The following HK2 variants were observed in gnomAD, a reference collection of about 807,000 sequenced individuals.
The protein encoded by HK2 is hexokinase 2.
HK2 carries 42 observed loss-of-function variants against 92.9 expected under a neutral mutation model. That is an observed-to-expected ratio of 0.45 (90% CI 0.35 to 0.58). The LOEUF is 0.58. HK2 is among the 20% of genes least tolerant of loss of function. The probability of loss-of-function intolerance (pLI) is 0.00; values close to 1 mark genes in which losing one functional copy is unlikely to be tolerated. For missense variants in HK2, 978 were observed against 1,245.1 expected, an observed-to-expected ratio of 0.79 and a Z score of 3.23; for synonymous variants, 422 against 468.0, an observed-to-expected ratio of 0.90 and a Z score of 1.27.
chr2:74,839,659 A>AT (rs10675736), intron 1 of HK2, among the ~76,000 whole-genome samples: 8,346 of 143,148 alleles, frequency 0.058, 512 homozygotes, highest in African/African-American at 0.16. Flanking sequence ...GCCAAAGTCA[A>AT]TTTTTTTTTT....
At position 74,890,858 on chromosome 2, in the gene HK2, C is replaced by T; in HGVS notation, c.2671C>T (p.Leu891=). 2 of 1,614,204 alleles carry T rather than the reference C, an allele frequency of 1.2e-6. No individual in the cohort carries two copies. The highest frequency in any genetic ancestry group is 1.7e-6 in the Non-Finnish European group (2 of 1,180,040). Reference sequence around the variant, plus strand: ...GGCTCCGAAATGTGATGTGTCTTTCCTGCAGTCAGAGGATGGCAGCGGGAA... The same window carrying T: ...GGCTCCGAAATGTGATGTGTCTTTCTTGCAGTCAGAGGATGGCAGCGGGAA... ...DLAPKCDVSF[L]QSEDGSGKGA... Residue 891 remains leucine (L), a synonymous_variant, in exon 18 of 18, where the codon CTG becomes TTG. Coordinates refer to ENST00000290573, the MANE Select transcript of HK2 (RefSeq NM_000189.5).
chr2:74,864,668 G>A (rs1201745405), intron 2 of HK2, among the ~76,000 whole-genome samples: 2 of 152,064 alleles, frequency 1.3e-5, no homozygotes, highest in African/African-American at 2.4e-5. Flanking sequence ...CACCATGCCC[G>A]GCAAATTTTT....
chr2:74,852,228 C>T (rs898742138), intron 1 of HK2, among the ~76,000 whole-genome samples: 4 of 152,206 alleles, frequency 2.6e-5, no homozygotes, highest in African/African-American at 7.2e-5. Context: ...GATGTGGCCT[C>T]GCATTGGCTT....
chr2:74,835,515 T>TA (rs1688140805), intron 1 of HK2, among the ~76,000 whole-genome samples: 5 of 150,788 alleles, frequency 3.3e-5, no homozygotes, highest in Non-Finnish European at 7.4e-5. Flanking sequence ...CAGCTCCCTA[T>TA]GGCTGAGCGC....
In HK2 at chr2:74,834,847, G is replaced by C. The variant is rs970077943; in HGVS notation, c.63+204G>C. On this transcript the variant is annotated intron_variant, in intron 1 of 17. Coordinates refer to ENST00000290573, the MANE Select transcript of HK2 (RefSeq NM_000189.5). The surrounding 1 kb of genome is among the most constrained non-coding windows in gnomAD (Gnocchi z 4.2). The stretch of plus-strand genomic sequence containing the variant: ...GGCGAGTGCGCGCGGGCGGGGAGCC[G>C]AGGTCGCGCTCCGCCGGGCGCCCTC... Among the ~76,000 whole-genome samples, 2 of 152,166 alleles carry C rather than the reference G, an allele frequency of 1.3e-5. No homozygotes were observed. The highest frequency in any genetic ancestry group is 2.9e-5 in the Non-Finnish European group (2 of 68,008).
In HK2 at chr2:74,880,416, A is replaced by G. The variant is rs754984422; in HGVS notation, c.1417A>G (p.Thr473Ala). 1 of 1,614,250 alleles carries G rather than the reference A, an allele frequency of 6.2e-7. No homozygotes were observed. The highest frequency in any genetic ancestry group is 2.2e-5 in the East Asian group (1 of 44,886). ...CGATCAACACCGTGCCCGCCAGAAG[A>G]CATTAGAGCATCTGCAGCTGAGCCA... is the stretch of plus-strand genomic sequence containing the variant. ...LADQHRARQKTLEHLQLSHDQ... is the reference protein window; with the variant it reads ...LADQHRARQKALEHLQLSHDQ... The change falls in exon 10 of 18, where the codon ACA becomes GCA. Residue 473 changes from threonine to alanine, a missense_variant. Thr to Ala is a moderately conservative substitution (Grantham distance 58, BLOSUM62 0). Coordinates refer to ENST00000290573, the MANE Select transcript of HK2 (RefSeq NM_000189.5).
chr2:74,878,926 GTC>G lies in HK2; in HGVS notation c.1265+6_1265+7del. On this transcript the variant is annotated splice_donor_region_variant and intron_variant, in intron 9 of 17. Transcript: ENST00000290573. ...CGTCTACAAGAAACACCCCCAGTGA[GTC>G]AGTGTGCAGGGCCTGGAGATGCGGA... The G allele has an allele frequency of 6.5e-7, 1 of 1,549,542 alleles. No individual in the cohort carries two copies. The highest frequency in any genetic ancestry group is 8.7e-7 in the Non-Finnish European group (1 of 1,145,328).
rs1689727613 is a variant in HK2 at position 74,893,293 on chromosome 2, C to T, written c.*2352C>T. 6.6e-6 allele frequency: 1 copy of T among 152,160 alleles called. No individual in the cohort carries two copies. The allele number at this position is 152,160 out of a possible 1,614,324, so 9.4% of individuals were successfully genotyped here. A position where few individuals can be genotyped will look rare whatever the true frequency, so the allele number is the denominator to read the frequency against. On this transcript the variant is annotated 3_prime_UTR_variant, in exon 18 of 18. Transcript: ENST00000290573. Reference sequence around the variant, plus strand: ...TGTTGTCATTATGTACAATACATAACTAGTTTAATTAACTATGTGATGTTA... The same window carrying T: ...TGTTGTCATTATGTACAATACATAATTAGTTTAATTAACTATGTGATGTTA...
Position 74,834,769 on chromosome 2 carries a change from T to C in HK2, c.63+126T>C. ...TCCGGGCCTGGGAGCGGAAAAAGTT[T>C]GGGCAGCCGGGACACTCCTGGGCGC... On this transcript the variant is annotated intron_variant, in intron 1 of 17. Transcript: ENST00000290573. This position sits in a 1 kb window ranked among gnomAD's most constrained non-coding sequence, Gnocchi z 4.2. 6 of 1,061,434 alleles carry C rather than the reference T, an allele frequency of 5.7e-6. No individual in the cohort carries two copies. The highest frequency in any genetic ancestry group is 8.6e-6 in the Non-Finnish European group (6 of 696,682). The allele number at this position is 1,061,434 out of a possible 1,614,324, so 65.8% of individuals were successfully genotyped here. A position where few individuals can be genotyped will look rare whatever the true frequency, so the allele number is the denominator to read the frequency against.
intron 1 of HK2, among the ~76,000 whole-genome samples, chr2:74,842,331 A>C (rs538936264): frequency 6.6e-6 from 1 of 152,332 alleles, no homozygotes; most frequent in South Asian, 2.1e-4. Context: ...TTGCACTTTC[A>C]GTACAGTATT....
chr2:74,889,129 T>C, intron 16 of HK2, 116 bp from the exon 17 acceptor site: 1 of 825,052 alleles, frequency 1.2e-6, no homozygotes, highest in Middle Eastern at 2.2e-4. Context: ...AGGGGCCAGC[T>C]CCTGGAGAGC....
chr2:74,847,493 C>T (rs551139247), intron 1 of HK2, among the ~76,000 whole-genome samples: 22 of 152,118 alleles, frequency 1.4e-4, no homozygotes, highest in East Asian at 3.9e-4. Flanking sequence ...GTCTGGACAA[C>T]GCAGTGAGAC....
At chr2:74,867,887 C>T (rs1288096219) in intron 3 of HK2, 103 bp downstream of exon 3, 1 of 1,314,968 alleles carries the variant, frequency 7.6e-7, no homozygotes, top group African/African-American at 1.4e-5. Flanking sequence ...TAGGCAGTCA[C>T]CCAAGACACT....
intron 10 of HK2, 83 bp downstream of exon 10, chr2:74,880,652 G>A: frequency 7.3e-7 from 1 of 1,362,580 alleles, no homozygotes; most frequent in South Asian, 1.2e-5. Context: ...CTTAGCATTA[G>A]CATTGGACAT....
intron 7 of HK2, among the ~76,000 whole-genome samples, chr2:74,874,757 G>A (rs1689186387): frequency 6.6e-6 from 1 of 152,162 alleles, no homozygotes; most frequent in Non-Finnish European, 1.5e-5. Flanking sequence ...TTGTCCATGG[G>A]AACTGTGAGC....
At chr2:74,875,390 G>A (rs1573382193) in intron 7 of HK2, among the ~76,000 whole-genome samples, 3 of 144,812 alleles carry the variant, frequency 2.1e-5, no homozygotes, top group South Asian at 2.3e-4. Context: ...GTGCAATGGC[G>A]CAATCTTGGC....
intron 2 of HK2, among the ~76,000 whole-genome samples, chr2:74,866,031 G>A (rs1459557354): frequency 6.6e-6 from 1 of 152,096 alleles, no homozygotes; most frequent in East Asian, 1.9e-4. Flanking sequence ...GGGTTCTGGA[G>A]CAGGTGATGT....
At chr2:74,855,194 C>T (rs571655196) in intron 2 of HK2, among the ~76,000 whole-genome samples, 177 of 152,270 alleles carry the variant, frequency 1.2e-3, no homozygotes, top group African/African-American at 3.9e-3. Context: ...TGGGGTTTCT[C>T]ATGTTGGTCA....
chr2:74,860,614 G>C (rs6709975), intron 2 of HK2, among the ~76,000 whole-genome samples: 2,076 of 152,192 alleles, frequency 0.014, 41 homozygotes, highest in African/African-American at 0.046. Context: ...CTGATTCCAT[G>C]GTATGATTAG....
Sources: allele counts gnomAD v4.1 joint callset (sites outside exome capture counted in the v4.1 genomes callset), GRCh38; gene constraint gnomAD v4.1.1; non-coding constraint Gnocchi (gnomAD v3.1); transcripts MANE v1.5; gene names NCBI Gene and HGNC (gene_info 2026-07-23, HGNC 2026-07-21).